The following PTPRR variants were observed in gnomAD, a reference collection of about 807,000 sequenced individuals.
The protein encoded by PTPRR is protein tyrosine phosphatase receptor type R, also known as receptor-type tyrosine-protein phosphatase R.
A neutral mutation model predicts 77.2 loss-of-function variants in PTPRR; 38 were observed. The ratio of observed to expected loss-of-function variants is 0.49; its 90% CI spans 0.38 to 0.65. The LOEUF is 0.65. Among genes scored for constraint, PTPRR ranks in the 30% least tolerant of loss-of-function variants. PTPRR has a pLI of 0.00. For synonymous variants in PTPRR, 299 were observed against 283.1 expected (o/e 1.06, Z -0.57); for missense variants, 744 against 799.2 (o/e 0.93, Z 0.83).
intron 2 of PTPRR, among the ~76,000 whole-genome samples, chr12:70,833,843 T>C (rs73330401): frequency 0.054 from 8,250 of 152,236 alleles, 476 homozygotes; most frequent in African/African-American, 0.15. Flanking sequence ...CAAGTTTTTC[T>C]GGGCTGCTCA....
intron 6 of PTPRR, among the ~76,000 whole-genome samples, chr12:70,727,682 C>A (rs375693346): frequency 2.4e-4 from 36 of 152,114 alleles, no homozygotes; most frequent in African/African-American, 8.7e-4. Flanking sequence ...AGAATACTGC[C>A]TAGCTACATC....
chr12:70,907,179 G>A (rs1232744128), intron 1 of PTPRR, among the ~76,000 whole-genome samples: 1 of 152,146 alleles, frequency 6.6e-6, no homozygotes, highest in Non-Finnish European at 1.5e-5. Context: ...ACAGTGATGT[G>A]TCCAATACAT....
At chr12:70,808,651 TA>T (rs1260529886) in intron 2 of PTPRR, among the ~76,000 whole-genome samples, 1 of 152,174 alleles carries the variant, frequency 6.6e-6, no homozygotes, top group Non-Finnish European at 1.5e-5. Context: ...GTCAAAGCAA[TA>T]AAGGTCCTCT....
intron 2 of PTPRR, among the ~76,000 whole-genome samples, chr12:70,836,831 C>T (rs531671934): frequency 3.9e-4 from 60 of 152,006 alleles, no homozygotes; most frequent in African/African-American, 9.4e-4. Flanking sequence ...GCTTACACAG[C>T]CTACACATTC....
intron 6 of PTPRR, among the ~76,000 whole-genome samples, chr12:70,701,642 A>G (rs1374799015): frequency 6.6e-6 from 1 of 152,182 alleles, no homozygotes; most frequent in East Asian, 1.9e-4. Flanking sequence ...AGGAAAAGCT[A>G]TATCTATATC....
intron 8 of PTPRR, among the ~76,000 whole-genome samples, chr12:70,690,116 G>A (rs1888005712): frequency 6.6e-6 from 1 of 152,150 alleles, no homozygotes; most frequent in Non-Finnish European, 1.5e-5. Context: ...CTTAGACCAT[G>A]CAAAGGTAAT....
chr12:70,800,296 G>GAGCTTGAT (rs1388339392), intron 2 of PTPRR, among the ~76,000 whole-genome samples: 19 of 146,202 alleles, frequency 1.3e-4, no homozygotes, highest in Non-Finnish European at 1.9e-4. Flanking sequence ...TGAGGTTATA[G>GAGCTTGAT]AGCTTGATGT....
At chr12:70,819,060 C>A (rs928440924) in intron 2 of PTPRR, among the ~76,000 whole-genome samples, 1 of 152,188 alleles carries the variant, frequency 6.6e-6, no homozygotes, top group African/African-American at 2.4e-5. Flanking sequence ...GTGGCTCACA[C>A]CTGTAATCCC....
chr12:70,665,673 C>T (rs557347472), intron 10 of PTPRR, among the ~76,000 whole-genome samples: 34 of 151,772 alleles, frequency 2.2e-4, no homozygotes, highest in African/African-American at 6.8e-4. Flanking sequence ...TGAGCCACTG[C>T]GCCCGGCCGC....
At chr12:70,903,714 A>T (rs1437183996) in intron 1 of PTPRR, among the ~76,000 whole-genome samples, 2 of 151,878 alleles carry the variant, frequency 1.3e-5, no homozygotes, top group African/African-American at 2.4e-5. Context: ...CACAATCCAC[A>T]GAGAAAAAGA....
At chr12:70,771,852 G>T (rs938523366) in intron 2 of PTPRR, among the ~76,000 whole-genome samples, 1 of 152,132 alleles carries the variant, frequency 6.6e-6, no homozygotes, top group African/African-American at 2.4e-5. Context: ...AGAATGAGGT[G>T]CAAGAATACA....
At chr12:70,789,077 G>T in intron 2 of PTPRR, 2 of 449,494 alleles carry the variant, frequency 4.4e-6, no homozygotes, top group Non-Finnish European at 7.7e-6. Context: ...TACTAGAATT[G>T]AAATTCATGG....
chr12:70,696,878 G>A (rs1888250600), intron 8 of PTPRR, among the ~76,000 whole-genome samples: 1 of 152,028 alleles, frequency 6.6e-6, no homozygotes, highest in African/African-American at 2.4e-5. Flanking sequence ...TTTTGTGCCT[G>A]GCTTCTTTCA....
chr12:70,877,661 T>C (rs1215461121), intron 2 of PTPRR, among the ~76,000 whole-genome samples: 1 of 152,052 alleles, frequency 6.6e-6, no homozygotes, highest in African/African-American at 2.4e-5. Flanking sequence ...ATGGTGAAAA[T>C]GGCCATACTG....
intron 10 of PTPRR, among the ~76,000 whole-genome samples, chr12:70,678,198 G>A (rs1231055735): frequency 3.3e-5 from 5 of 152,090 alleles, no homozygotes; most frequent in African/African-American, 1.2e-4. Context: ...GCACCACCAA[G>A]CCCAGCTAAT....
chr12:70,797,356 T>C (rs1891534130), intron 2 of PTPRR, among the ~76,000 whole-genome samples: 1 of 152,194 alleles, frequency 6.6e-6, no homozygotes, highest in Non-Finnish European at 1.5e-5. Context: ...AAGAATTTTC[T>C]TCCCTTTTCA....
intron 1 of PTPRR, among the ~76,000 whole-genome samples, chr12:70,911,040 G>A (rs1304925885): frequency 6.6e-6 from 1 of 152,134 alleles, no homozygotes; most frequent in Non-Finnish European, 1.5e-5. Flanking sequence ...GGAAAAGCAG[G>A]GTCAGCTGAG....
intron 3 of PTPRR, among the ~76,000 whole-genome samples, chr12:70,764,140 A>G (rs1345152584): frequency 6.6e-6 from 1 of 151,826 alleles, no homozygotes; most frequent in Non-Finnish European, 1.5e-5. Context: ...TCTTTATTTA[A>G]AATGCCCTGC....
Position 70,733,403 on chromosome 12 carries a change from A to AAT in PTPRR, c.1007+12414_1007+12415insAT, listed in dbSNP as rs1485241218. Among the ~76,000 whole-genome samples the AAT allele has an allele frequency of 6.1e-5, 9 of 147,048 alleles. No individual in the cohort carries two copies. The East Asian group carries it at 1.8e-3, about 29-fold the overall frequency. The stretch of plus-strand genomic sequence containing the variant: ...TACCCGCCAGAGAGGACGCTGTCAT[A>AAT]AAAAAAATACAAACAAACAACAACA... On this transcript the variant is annotated intron_variant, in intron 6 of 13. Coordinates refer to ENST00000283228, the MANE Select transcript of PTPRR (RefSeq NM_002849.4).
Sources: allele counts gnomAD v4.1 joint callset (sites outside exome capture counted in the v4.1 genomes callset), GRCh38; gene constraint gnomAD v4.1.1; transcripts MANE v1.5; gene names NCBI Gene and HGNC (gene_info 2026-07-23, HGNC 2026-07-21).